TEAD1: variants seen among roughly 807,000 people sequenced by gnomAD.
The protein encoded by TEAD1 is TEA domain transcription factor 1.
Under a neutral mutation model 54.9 loss-of-function variants are expected in TEAD1, and 9 were observed. The ratio of observed to expected loss-of-function variants is 0.16; its 90% confidence interval spans 0.10 to 0.29. TEAD1 has a LOEUF of 0.29. Among genes scored for constraint, TEAD1 ranks in the 10% least tolerant of loss-of-function variants. The pLI, the probability that TEAD1 is intolerant of heterozygous loss-of-function variation, is 1.00. For missense variants in TEAD1, 387 were observed against 535.9 expected (o/e 0.72, Z 2.74); for synonymous variants, 200 against 187.8 (o/e 1.07, Z -0.53).
chr11:12,919,428 T>C (rs1241415306), intron 10 of TEAD1, among the ~76,000 whole-genome samples: 1 of 152,216 alleles, frequency 6.6e-6, no homozygotes, highest in Admixed American at 6.5e-5. Context: ...ATCACCATAT[T>C]AACTGACAAA....
chr11:12,796,712 C>A (rs967722152), intron 3 of TEAD1, among the ~76,000 whole-genome samples: 5 of 150,310 alleles, frequency 3.3e-5, no homozygotes, highest in Admixed American at 6.6e-5. Context: ...GGCAACAGAG[C>A]TAGATCCTGA....
At chr11:12,769,633 G>A (rs1331123517) in intron 3 of TEAD1, among the ~76,000 whole-genome samples, 1 of 152,128 alleles carries the variant, frequency 6.6e-6, no homozygotes, top group East Asian at 1.9e-4. Context: ...TAGACTCCCA[G>A]CCCTGGAGGG....
intron 3 of TEAD1, among the ~76,000 whole-genome samples, chr11:12,856,953 A>C (rs114963010): frequency 6.6e-6 from 1 of 152,156 alleles, no homozygotes; most frequent in Non-Finnish European, 1.5e-5. Flanking sequence ...CTGGGCTACA[A>C]TTTCTAGCCA....
chr11:12,815,341 T>C (rs1437441225), intron 3 of TEAD1, among the ~76,000 whole-genome samples: 1 of 151,730 alleles, frequency 6.6e-6, no homozygotes, highest in Non-Finnish European at 1.5e-5. Context: ...ATAACATAAA[T>C]AATGCTCTCT....
Position 12,781,968 on chromosome 11 carries a change from A to G in TEAD1, c.202+17534A>G, listed in dbSNP as rs531854233. 1.0e-2 allele frequency among the ~76,000 whole-genome samples: 1,356 copies of G among 135,616 alleles called. 6 individuals are homozygous for G. The highest frequency in any genetic ancestry group is 0.047 in the African/African-American group (1,259 of 26,888). 89.0% of individuals were successfully genotyped at this position (135,616 alleles called of 152,430 possible). A position where few individuals can be genotyped will look rare whatever the true frequency, so the allele number is the denominator to read the frequency against. On this transcript the variant is annotated intron_variant, in intron 3 of 12. Transcript: ENST00000527636. Reference sequence around the variant, plus strand: ...CGTCTGTACAAAAAAAAAAAAAAAAAAAAGAAAGAAAAAAAGAAAAAGAAA... The same window carrying G: ...CGTCTGTACAAAAAAAAAAAAAAAAGAAAGAAAGAAAAAAAGAAAAAGAAA...
intron 3 of TEAD1, among the ~76,000 whole-genome samples, chr11:12,792,680 G>A (rs1449830439): frequency 6.6e-6 from 1 of 152,142 alleles, no homozygotes; most frequent in African/African-American, 2.4e-5. Context: ...TATACTGAAC[G>A]CCTGTATGGG....
At chr11:12,902,252 A>G (rs1948437286) in intron 10 of TEAD1, 139 bp downstream of exon 10, 3 of 1,170,068 alleles carry the variant, frequency 2.6e-6, no homozygotes, top group African/African-American at 1.5e-5. Flanking sequence ...CCAAGGGAGC[A>G]CGGACTCACA....
chr11:12,716,143 G>T (rs1393791170), intron 2 of TEAD1, among the ~76,000 whole-genome samples: 1 of 152,016 alleles, frequency 6.6e-6, no homozygotes, highest in South Asian at 2.1e-4. Context: ...GCTTCCGGCC[G>T]AGGGATGGGA....
At chr11:12,813,699 G>C (rs540319900) in intron 3 of TEAD1, among the ~76,000 whole-genome samples, 2 of 152,324 alleles carry the variant, frequency 1.3e-5, no homozygotes, top group South Asian at 4.1e-4. Context: ...TCATTGAGAT[G>C]CTAACCATGA....
intron 2 of TEAD1, among the ~76,000 whole-genome samples, chr11:12,763,759 C>A (rs1482326531): frequency 6.6e-6 from 1 of 152,156 alleles, no homozygotes; most frequent in African/African-American, 2.4e-5. Context: ...TAGCAAAGTG[C>A]CCCTGGTAGA....
chr11:12,708,941 A>C (rs1590071311), intron 2 of TEAD1, among the ~76,000 whole-genome samples: 1 of 152,220 alleles, frequency 6.6e-6, no homozygotes, highest in South Asian at 2.1e-4. Flanking sequence ...AAGAATATCA[A>C]ATGCTAATAG....
intron 4 of TEAD1, among the ~76,000 whole-genome samples, chr11:12,863,302 A>G (rs923275747): frequency 2.0e-5 from 3 of 152,258 alleles, no homozygotes; most frequent in African/African-American, 4.8e-5. Context: ...AGTCAGCACA[A>G]AGAGAGGTGG....
intron 3 of TEAD1, among the ~76,000 whole-genome samples, chr11:12,838,633 G>C (rs1161471818): frequency 6.6e-6 from 1 of 152,184 alleles, no homozygotes; most frequent in East Asian, 1.9e-4. Context: ...CTGCTTCAGA[G>C]TCAGGATATT....
chr11:12,902,216 C>A, intron 10 of TEAD1, 103 bp downstream of exon 10: 1 of 1,454,034 alleles, frequency 6.9e-7, no homozygotes, highest in Non-Finnish European at 9.7e-7. Context: ...ACACTGAGTG[C>A]ACCTTCATGT....
At chr11:12,734,018 C>G (rs1201248854) in intron 2 of TEAD1, among the ~76,000 whole-genome samples, 1 of 152,154 alleles carries the variant, frequency 6.6e-6, no homozygotes, top group Non-Finnish European at 1.5e-5. Flanking sequence ...CTTGTAGGCT[C>G]AAGTGACCCT....
At chr11:12,847,908 C>T (rs1947189374) in intron 3 of TEAD1, among the ~76,000 whole-genome samples, 1 of 152,148 alleles carries the variant, frequency 6.6e-6, no homozygotes, top group South Asian at 2.1e-4. Flanking sequence ...TTTGCTTGGT[C>T]ATCATCTCCA....
At chr11:12,895,989 C>T (rs1948308159) in intron 9 of TEAD1, among the ~76,000 whole-genome samples, 1 of 127,386 alleles carries the variant, frequency 7.9e-6, no homozygotes, top group African/African-American at 2.9e-5. Flanking sequence ...TTAGTATATG[C>T]CCCCCTCCGT....
intron 2 of TEAD1, among the ~76,000 whole-genome samples, chr11:12,694,976 TC>T (rs2133829714): frequency 6.6e-6 from 1 of 152,248 alleles, no homozygotes; most frequent in East Asian, 1.9e-4. Flanking sequence ...TGTTTCCAAT[TC>T]ATAGCTGGCA....
chr11:12,695,911 G>A (rs1228082078), intron 2 of TEAD1, among the ~76,000 whole-genome samples: 1 of 152,142 alleles, frequency 6.6e-6, no homozygotes, highest in Non-Finnish European at 1.5e-5. Context: ...TTTTAGCCAG[G>A]TTCTGCCCCC....
Sources: gnomAD v4.1 joint callset for allele counts (sites outside exome capture counted in the v4.1 genomes callset) on GRCh38, gnomAD v4.1.1 for gene constraint, MANE v1.5 for transcripts, NCBI Gene and HGNC (gene_info 2026-07-23, HGNC 2026-07-21) for gene names.